Variants in STXBP4 observed in about 807,000 individuals in gnomAD.
STXBP4 encodes the protein syntaxin-binding protein 4.
STXBP4 carries 55 observed loss-of-function variants against 76.1 expected under a neutral mutation model. That is an observed-to-expected ratio of 0.72 (90% CI 0.58 to 0.91). STXBP4 has a LOEUF of 0.91. STXBP4 is among the 40% of genes least tolerant of loss of function. The pLI is 0.00. For missense variants in STXBP4, 618 were observed against 636.9 expected (o/e 0.97, Z 0.32); for synonymous variants, 201 against 220.2 (o/e 0.91, Z 0.77).
At chr17:54,996,902 G>T (rs1251856129) in intron 4 of STXBP4, among the ~76,000 whole-genome samples, 1 of 152,134 alleles carries the variant, frequency 6.6e-6, no homozygotes, top group Non-Finnish European at 1.5e-5. Context: ...AGTACTGGTC[G>T]TTTTTAACAG....
chr17:55,124,515 A>G (rs2079884091), intron 16 of STXBP4, among the ~76,000 whole-genome samples: 1 of 152,242 alleles, frequency 6.6e-6, no homozygotes, highest in Admixed American at 6.5e-5. Flanking sequence ...TTCAAGTGCT[A>G]CATTTATCCT....
chr17:55,003,205 TAA>T (rs1426486216), intron 7 of STXBP4, among the ~76,000 whole-genome samples: 1 of 152,180 alleles, frequency 6.6e-6, no homozygotes, highest in Non-Finnish European at 1.5e-5. Context: ...CAGATGATTC[TAA>T]GAGTCAGGTG....
intron 16 of STXBP4, among the ~76,000 whole-genome samples, chr17:55,111,808 C>T (rs1296021606): frequency 6.6e-6 from 1 of 152,308 alleles, no homozygotes; most frequent in African/African-American, 2.4e-5. Flanking sequence ...TTTATAGCAA[C>T]ACAAGAATAG....
At chr17:55,066,196 T>C (rs930197135) in intron 12 of STXBP4, among the ~76,000 whole-genome samples, 7 of 57,288 alleles carry the variant, frequency 1.2e-4, no homozygotes, top group African/African-American at 8.1e-4. Flanking sequence ...GTGGGTTTTG[T>C]TGTTTTGTTT....
intron 17 of STXBP4, among the ~76,000 whole-genome samples, chr17:55,153,092 A>G (rs1455070748): frequency 6.6e-6 from 1 of 152,192 alleles, no homozygotes; most frequent in Non-Finnish European, 1.5e-5. Flanking sequence ...ATGACCTGGA[A>G]TAAGTTATTT....
At chr17:54,997,085 C>A (rs981452310) in intron 4 of STXBP4, among the ~76,000 whole-genome samples, 7 of 152,156 alleles carry the variant, frequency 4.6e-5, no homozygotes, top group Non-Finnish European at 8.8e-5. Flanking sequence ...GAAGAGGTCT[C>A]AACATATCTC....
At chr17:55,176,663 C>G (rs1205619692), downstream of STXBP4, among the ~76,000 whole-genome samples, 1 of 152,130 alleles carries the variant, frequency 6.6e-6, no homozygotes, top group Non-Finnish European at 1.5e-5. Context: ...ACCCAGATAG[C>G]TAGTAAAACA....
At chr17:55,082,407 T>A (rs1031430670) in intron 16 of STXBP4, among the ~76,000 whole-genome samples, 10 of 152,206 alleles carry the variant, frequency 6.6e-5, no homozygotes, top group African/African-American at 2.4e-4. Context: ...GGAAATTTAA[T>A]GTATATTAAA....
In STXBP4 at chr17:54,999,698, G is replaced by T; in HGVS notation, c.354G>T (p.Leu118=). 2 of 1,613,688 alleles carry T rather than the reference G, an allele frequency of 1.2e-6. No homozygotes were observed. The highest frequency in any genetic ancestry group is 1.7e-6 in the Non-Finnish European group (2 of 1,179,814). ...QKSDNIQPEN[L]SCTSLIEASG... ...CCGACAACATTCAGCCAGAAAATCT[G>T]TCATGTACATCACTTATAGAAGCTT... Residue 118 remains leucine (L), a synonymous_variant, in exon 6 of 18, where the codon CTG becomes CTT. Transcript: ENST00000376352.
intron 12 of STXBP4, among the ~76,000 whole-genome samples, chr17:55,049,469 C>T (rs1323980830): frequency 6.6e-6 from 1 of 151,828 alleles, no homozygotes; most frequent in Non-Finnish European, 1.5e-5. Context: ...CAGAATACAT[C>T]ATTTTGTTAT....
At chr17:55,050,252 A>G (rs1212602208) in intron 12 of STXBP4, among the ~76,000 whole-genome samples, 1 of 152,130 alleles carries the variant, frequency 6.6e-6, no homozygotes, top group African/African-American at 2.4e-5. Flanking sequence ...AATAATAACC[A>G]GTTAGAAGTT....
rs925913948 is a variant in STXBP4, at chr17:55,167,759, C to A, written c.*7848C>A. Reference sequence around the variant, plus strand: ...GGGAGCTATGTATTGCCACAGAACTCTGAAATTGCAGAAATTATCTCATCT... The same window carrying A: ...GGGAGCTATGTATTGCCACAGAACTATGAAATTGCAGAAATTATCTCATCT... On this transcript the variant is annotated 3_prime_UTR_variant, in exon 18 of 18. Transcript: ENST00000376352. The A allele has an allele frequency of 1.2e-4, 19 of 152,302 alleles. No homozygotes were observed. The highest frequency in any genetic ancestry group is 4.3e-4 in the African/African-American group (18 of 41,572). 9.4% of individuals were successfully genotyped at this position (152,302 alleles called of 1,614,324 possible).
chr17:55,086,073 C>A (rs943284507), intron 16 of STXBP4, among the ~76,000 whole-genome samples: 14 of 152,076 alleles, frequency 9.2e-5, no homozygotes, highest in African/African-American at 3.4e-4. Flanking sequence ...CATTATCTTG[C>A]TAACATTAAC....
intron 8 of STXBP4, among the ~76,000 whole-genome samples, chr17:55,011,154 G>A (rs1167857737): frequency 6.6e-6 from 1 of 151,912 alleles, no homozygotes; most frequent in Non-Finnish European, 1.5e-5. Context: ...TGAGTTAATT[G>A]CATTGTGTAA....
At chr17:55,203,149 C>A in the STXBP4 span, among the ~76,000 whole-genome samples, 2 of 152,092 alleles carry the variant, frequency 1.3e-5, no homozygotes, top group South Asian at 4.1e-4. Context: ...TCTAGAACAC[C>A]TGTTTTGCTT....
intron 4 of STXBP4, among the ~76,000 whole-genome samples, chr17:54,995,420 A>G (rs1055920823): frequency 1.3e-5 from 2 of 152,220 alleles, no homozygotes; most frequent in African/African-American, 4.8e-5. Flanking sequence ...AGTATATTTC[A>G]TATTTTCTTC....
At chr17:55,097,444 A>G (rs2079502606) in intron 16 of STXBP4, among the ~76,000 whole-genome samples, 1 of 152,194 alleles carries the variant, frequency 6.6e-6, no homozygotes, top group South Asian at 2.1e-4. Flanking sequence ...CGGGCGGATC[A>G]CGAGGTCAGG....
chr17:55,107,906 G>A (rs244370), intron 16 of STXBP4, among the ~76,000 whole-genome samples: 56,805 of 152,128 alleles, frequency 0.37, 11,277 homozygotes, highest in East Asian at 0.54. Context: ...TCAGGGATCC[G>A]CTTGAGGATG....
chr17:55,034,831 G>A (rs57785146), intron 10 of STXBP4, among the ~76,000 whole-genome samples: 32,555 of 151,748 alleles, frequency 0.21, 3,660 homozygotes, highest in Middle Eastern at 0.34. Flanking sequence ...GCCTCTTTTT[G>A]TGCTTTATGT....
Sources: allele counts gnomAD v4.1 joint callset (sites outside exome capture counted in the v4.1 genomes callset), GRCh38; gene constraint gnomAD v4.1.1; transcripts MANE v1.5; gene names NCBI Gene and HGNC (gene_info 2026-07-23, HGNC 2026-07-21).